VARS2: variants seen among roughly 807,000 people sequenced by gnomAD.
VARS2 encodes the protein valyl-tRNA synthetase 2, mitochondrial.
A neutral mutation model predicts 154.1 loss-of-function variants in VARS2; 105 were observed. That is an observed-to-expected ratio of 0.68 (90% CI 0.58 to 0.80). The LOEUF is 0.80. Among genes scored for constraint, VARS2 ranks in the 30% least tolerant of loss-of-function variants. VARS2 has a pLI of 0.00. For missense variants in VARS2, 1,157 were observed against 1,361.4 expected, an observed-to-expected ratio of 0.85 and a Z score of 2.36; for synonymous variants, 483 against 539.5, an observed-to-expected ratio of 0.90 and a Z score of 1.45.
chr6:30,919,761 C>T lies in VARS2; in HGVS notation c.1078C>T (p.Leu360=), dbSNP rs757284582. The T allele has an allele frequency of 5.3e-5, 83 of 1,576,774 alleles. No individual in the cohort carries two copies. The highest frequency in any genetic ancestry group is 6.1e-5 in the Non-Finnish European group (71 of 1,157,324). ...GATCCCTCTCCCTTCCCTTCAGCAT[C>T]TACACGGGCGACAGCTTCGTCACCC... ...VHPDDSRYTH[L]HGRQLRHPLM... The change falls in exon 12 of 30, where the codon CTA becomes TTA. Residue 360 remains leucine, a synonymous_variant. Transcript: ENST00000676266. This position sits in a 1 kb window ranked among gnomAD's most constrained non-coding sequence, Gnocchi z 4.5.
rs542446915 is a variant in VARS2 at position 30,926,285 on chromosome 6, G to A, written c.*75G>A. The A allele has an allele frequency of 6.2e-6, 9 of 1,441,924 alleles. No homozygotes were observed. The highest frequency in any genetic ancestry group is 3.6e-5 in the South Asian group (3 of 84,438). 89.3% of individuals were successfully genotyped at this position (1,441,924 alleles called of 1,614,324 possible). ...AAACAGATTTGTCAGCTGTCAGGGT[G>A]CAGTGGGACGTCAGAGACTATGTGG... On this transcript the variant is annotated 3_prime_UTR_variant, in exon 30 of 30. Coordinates refer to ENST00000676266, the MANE Select transcript of VARS2 (RefSeq NM_020442.6).
intron 1 of VARS2, 151 bp from the exon 2 acceptor site, chr6:30,914,659 A>C (rs1329479902): frequency 1.6e-5 from 17 of 1,044,428 alleles, no homozygotes. Context: ...GATACCATGC[A>C]CTCTAGCTCT....
chr6:30,916,886 G>A lies in VARS2; in HGVS notation c.680G>A (p.Gly227Glu). 6.2e-7 allele frequency: 1 copy of A among 1,614,152 alleles called. No homozygotes were observed. The change falls in exon 8 of 30, where the codon GGA becomes GAA. Residue 227 changes from glycine (G) to glutamate (E), a missense_variant. Gly to Glu is a moderately conservative substitution (Grantham distance 98). Transcript: ENST00000676266. The surrounding 1 kb of genome is among the most constrained non-coding windows in gnomAD (Gnocchi z 4.0). ...GATCTCTCTGGGCACAGGAAAGGTG[G>A]AGAGATCTGTGAGCAGCTGCGAGCT... ...EVWQWKEAKG[G>E]EICEQLRALG...
Position 30,917,819 on chromosome 6 carries a change from C to A in VARS2, c.985+13C>A. On this transcript the variant is annotated intron_variant, in intron 10 of 29. Transcript: ENST00000676266. The surrounding 1 kb of genome is among the most constrained non-coding windows in gnomAD (Gnocchi z 4.4). ...GATGGAGAGCCTGGTGAGCATAGTA[C>A]TCTGCAGGGTCACCCGTTTACCTCC... The A allele has an allele frequency of 6.4e-7, 1 of 1,551,718 alleles. No homozygotes were observed. Among genetic ancestry groups the A allele is most frequent in the Non-Finnish European group, 8.7e-7 (1 of 1,146,612 alleles).
chr6:30,923,752 G>C, intron 25 of VARS2: 1 of 563,710 alleles, frequency 1.8e-6, no homozygotes, highest in East Asian at 3.0e-5. Context: ...TGTCTGACAA[G>C]TCGGTGTCAG....
In VARS2 at chr6:30,915,730, T is replaced by C. The variant is rs910569136; in HGVS notation, c.385-16T>C. The C allele has an allele frequency of 2.5e-6, 4 of 1,612,394 alleles. No individual in the cohort carries two copies. Among genetic ancestry groups the C allele is most frequent in the African/African-American group, 1.3e-5 (1 of 74,924 alleles). On this transcript the variant is annotated splice_polypyrimidine_tract_variant and intron_variant, in intron 4 of 29. Coordinates refer to ENST00000676266, the MANE Select transcript of VARS2 (RefSeq NM_020442.6). The stretch of plus-strand genomic sequence containing the variant: ...CCAATTCTCTCTTGCCCCTTTGACT[T>C]TTTTTCTTCCTCTAGGCCCGGCTGC...
chr6:30,922,460 A>G lies in VARS2; in HGVS notation c.1943A>G (p.His648Arg), dbSNP rs753807384. ...GQLPFSKVLL[H>R]PMVRDRQGRK... is the part of the protein sequence containing the mutation. ...CCTCCCTGCCCCCAGGTGCTTCTTCATCCCATGGTTCGGGACAGGCAGGGC... is the reference window on the plus strand; with the variant it reads ...CCTCCCTGCCCCCAGGTGCTTCTTCGTCCCATGGTTCGGGACAGGCAGGGC... The change falls in exon 21 of 30, where the codon CAT becomes CGT. Residue 648 changes from histidine to arginine, a missense_variant. By Grantham distance (29) the His-to-Arg change is conservative. Transcript: ENST00000676266. 18 of 1,604,928 alleles carry G rather than the reference A, an allele frequency of 1.1e-5. No homozygotes were observed. Among genetic ancestry groups the G allele is most frequent in the Non-Finnish European group, 1.4e-5 (16 of 1,176,498 alleles).
chr6:30,915,572 T>A, intron 4 of VARS2, 117 bp downstream of exon 4: 1 of 1,437,514 alleles, frequency 7.0e-7, no homozygotes, highest in Non-Finnish European at 9.5e-7. Flanking sequence ...CTGGCTCTGG[T>A]GTCTCCAAAG....
rs192670335 is a variant in VARS2 at position 30,924,209 on chromosome 6, T to C, written c.2467-145T>C. The C allele has an allele frequency of 1.2e-3, 863 of 724,070 alleles. 5 individuals are homozygous for C. The African/African-American group carries it at 0.014, about 12-fold the overall frequency. The allele number at this position is 724,070 out of a possible 1,614,324, so 44.9% of individuals were successfully genotyped here. ...CTTTGTGCTGAGTGTGTCCTGGGAC[T>C]GTGGATCATATCAGAAGTGCTAAGT... On this transcript the variant is annotated intron_variant, in intron 25 of 29. Coordinates refer to ENST00000676266, the MANE Select transcript of VARS2 (RefSeq NM_020442.6).
Position 30,921,528 on chromosome 6 carries a change from T to C in VARS2, c.1633-61T>C. On this transcript the variant is annotated intron_variant, in intron 17 of 29. Transcript: ENST00000676266. The surrounding 1 kb of genome is among the most constrained non-coding windows in gnomAD (Gnocchi z 4.6). ...ACCACATGAGGACGTGAAAACCAAG[T>C]GACATTTACACCTGTCAGCTGTTCT... 6.4e-7 allele frequency: 1 copy of C among 1,552,102 alleles called. No individual in the cohort carries two copies. Among genetic ancestry groups the C allele is most frequent in the South Asian group, 1.2e-5 (1 of 84,932 alleles).
chr6:30,923,424 G>T lies in VARS2; in HGVS notation c.2385G>T (p.Arg795=). Residue 795 remains arginine, a synonymous_variant, in exon 25 of 30, where the codon CGG becomes CGT. Transcript: ENST00000676266. ...CCCTGGCTGCCCAGGAGTGTGAGCGGGGCTTCCTCACCCGAGAGCTCTCGC... is the reference window on the plus strand; with the variant it reads ...CCCTGGCTGCCCAGGAGTGTGAGCGTGGCTTCCTCACCCGAGAGCTCTCGC... ...RLALAAQECE[R]GFLTRELSLV... The T allele has an allele frequency of 6.2e-7, 1 of 1,612,252 alleles. No homozygotes were observed.
Position 30,920,355 on chromosome 6 carries a change from G to A in VARS2, c.1316G>A (p.Arg439Gln), listed in dbSNP as rs1271865013. The part of the protein sequence containing the change: ...WLQGLHRFVA[R>Q]EKIMSVLSEW... ...CAGGGTCTTCACCGGTTTGTGGCCC[G>A]GGAAAAGATAATGTCTGTGCTGAGT... The change falls in exon 14 of 30, where the codon CGG (arginine) becomes CAG (glutamine). Residue 439 changes from arginine (R) to glutamine (Q), a missense_variant. Arg to Gln is a conservative substitution (Grantham distance 43). Coordinates refer to ENST00000676266, the MANE Select transcript of VARS2 (RefSeq NM_020442.6). This position sits in a 1 kb window ranked among gnomAD's most constrained non-coding sequence, Gnocchi z 4.6. 8.1e-6 allele frequency: 13 copies of A among 1,612,648 alleles called. No individual in the cohort carries two copies. The highest frequency in any genetic ancestry group is 3.3e-5 in the South Asian group (3 of 90,818).
Position 30,921,049 on chromosome 6 carries a change from T to C in VARS2, c.1480-16T>C. ...GCAGGAAGGGCAACATTGTCTAAAGTCCCCTTTCTCTCCAGGCTGTGGAGT... is the reference window on the plus strand; with the variant it reads ...GCAGGAAGGGCAACATTGTCTAAAGCCCCCTTTCTCTCCAGGCTGTGGAGT... On this transcript the variant is annotated splice_polypyrimidine_tract_variant and intron_variant, in intron 15 of 29. Coordinates refer to ENST00000676266, the MANE Select transcript of VARS2 (RefSeq NM_020442.6). This position sits in a 1 kb window ranked among gnomAD's most constrained non-coding sequence, Gnocchi z 4.6. 1 of 1,603,628 alleles carries C rather than the reference T, an allele frequency of 6.2e-7. No individual in the cohort carries two copies. The highest frequency in any genetic ancestry group is 8.5e-7 in the Non-Finnish European group (1 of 1,175,024).
rs1427743081 is a variant in VARS2, at chr6:30,921,537, C to T, written c.1633-52C>T. 9.0e-6 allele frequency: 14 copies of T among 1,557,742 alleles called. No homozygotes were observed. Among genetic ancestry groups the T allele is most frequent in the African/African-American group, 1.3e-5 (1 of 74,328 alleles). On this transcript the variant is annotated intron_variant, in intron 17 of 29. Transcript: ENST00000676266. This position sits in a 1 kb window ranked among gnomAD's most constrained non-coding sequence, Gnocchi z 4.6. ...GGACGTGAAAACCAAGTGACATTTA[C>T]ACCTGTCAGCTGTTCTTCCTCACTC...
rs773299024 is a variant in VARS2, at chr6:30,923,425, G to T, written c.2386G>T (p.Gly796Cys). 34 of 1,612,266 alleles carry T rather than the reference G, an allele frequency of 2.1e-5. No homozygotes were observed. In the South Asian group the frequency reaches 3.5e-4, roughly 17 times the overall value. ...CCTGGCTGCCCAGGAGTGTGAGCGG[G>T]GCTTCCTCACCCGAGAGCTCTCGCT... ...LALAAQECER[G>C]FLTRELSLVT... The change falls in exon 25 of 30, where the codon GGC (glycine) becomes TGC (cysteine). Residue 796 changes from glycine to cysteine, a missense_variant. By Grantham distance (159) the Gly-to-Cys change is radical (BLOSUM62 -3). Transcript: ENST00000676266.
chr6:30,919,808 C>T lies in VARS2; in HGVS notation c.1125C>T (p.Pro375=), dbSNP rs776379788. 3 of 1,596,602 alleles carry T rather than the reference C, an allele frequency of 1.9e-6. No individual in the cohort carries two copies. Among genetic ancestry groups the T allele is most frequent in the Non-Finnish European group, 2.6e-6 (3 of 1,168,286 alleles). ...ACCCCTTGATGGGGCAGCCTCTTCC[C>T]CTCATCACAGACTATGCTGTTCAGC... The part of the protein sequence containing the change: ...LRHPLMGQPL[P]LITDYAVQPH... The change falls in exon 12 of 30, where the codon CCC becomes CCT. Residue 375 remains proline, a synonymous_variant. Transcript: ENST00000676266. The surrounding 1 kb of genome is among the most constrained non-coding windows in gnomAD (Gnocchi z 4.5).
At chr6:30,924,169 T>A (rs1794700804) in intron 25 of VARS2, 185 bp from the exon 26 acceptor site, 1 of 620,248 alleles carries the variant, frequency 1.6e-6, no homozygotes, top group Non-Finnish European at 2.9e-6. Context: ...AGAATTGCTG[T>A]CCTGGAGTCC....
Position 30,917,673 on chromosome 6 carries a change from C to A in VARS2, c.874-22C>A. 6.5e-7 allele frequency: 1 copy of A among 1,543,610 alleles called. No homozygotes were observed. The highest frequency in any genetic ancestry group is 8.7e-7 in the Non-Finnish European group (1 of 1,145,360). ...CCTTGCAGAAAGGCTGCCCTCTGAC[C>A]CAGCTTTCTCGGTGCCTCCAGGTGG... On this transcript the variant is annotated intron_variant, in intron 9 of 29. Transcript: ENST00000676266. The surrounding 1 kb of genome is among the most constrained non-coding windows in gnomAD (Gnocchi z 4.4).
Position 30,917,641 on chromosome 6 carries a change from G to C in VARS2, c.874-54G>C. 6.8e-7 allele frequency: 1 copy of C among 1,474,234 alleles called. No homozygotes were observed. Among genetic ancestry groups the C allele is most frequent in the South Asian group, 1.2e-5 (1 of 82,310 alleles). The allele number at this position is 1,474,234 out of a possible 1,614,324, so 91.3% of individuals were successfully genotyped here. On this transcript the variant is annotated intron_variant, in intron 9 of 29. Coordinates refer to ENST00000676266, the MANE Select transcript of VARS2 (RefSeq NM_020442.6). The surrounding 1 kb of genome is among the most constrained non-coding windows in gnomAD (Gnocchi z 4.4). Reference sequence around the variant, plus strand: ...GGATGAGTGGCAGAGTGAAGCCTGGGCATGAGCCTTGCAGAAAGGCTGCCC... The same window carrying C: ...GGATGAGTGGCAGAGTGAAGCCTGGCCATGAGCCTTGCAGAAAGGCTGCCC...
Sources: gnomAD v4.1 joint callset for allele counts on GRCh38, gnomAD v4.1.1 for gene constraint, Gnocchi (gnomAD v3.1) non-coding constraint, MANE v1.5 for transcripts, NCBI Gene and HGNC (gene_info 2026-07-23, HGNC 2026-07-21) for gene names.